ZMYND11: variants seen among roughly 807,000 people sequenced by gnomAD.
The protein encoded by ZMYND11 is zinc finger MYND-type containing 11, also known as zinc finger MYND domain-containing protein 11.
ZMYND11 carries 9 observed loss-of-function variants against 84.9 expected under a neutral mutation model. The observed-to-expected ratio is 0.11, with a 90% CI of 0.06 to 0.18. The LOEUF (loss-of-function observed/expected upper bound fraction) is 0.18. Among genes scored for constraint, ZMYND11 ranks in the 10% least tolerant of loss-of-function variants. ZMYND11 has a pLI of 1.00. For missense variants in ZMYND11, 409 were observed against 761.0 expected (o/e 0.54, Z 5.44); for synonymous variants, 250 against 244.1 (o/e 1.02, Z -0.23).
chr10:203,092 A>T (rs1943522247), intron 2 of ZMYND11, among the ~76,000 whole-genome samples: 1 of 152,238 alleles, frequency 6.6e-6, no homozygotes, highest in African/African-American at 2.4e-5. Flanking sequence ...AGATATGTTT[A>T]CCAATAAGCA....
At chr10:131,685 T>C (rs1450057348), upstream of ZMYND11, among the ~76,000 whole-genome samples, 1 of 151,970 alleles carries the variant, frequency 6.6e-6, no homozygotes, top group African/African-American at 2.4e-5. Context: ...CCACCACATC[T>C]GGCTATTTTT....
At chr10:242,906 G>C (rs1205811485) in intron 10 of ZMYND11, among the ~76,000 whole-genome samples, 1 of 152,058 alleles carries the variant, frequency 6.6e-6, no homozygotes, top group Non-Finnish European at 1.5e-5. Context: ...TTCATAGGTA[G>C]ATACACACTT....
chr10:190,625 C>A (rs886793490), intron 2 of ZMYND11, among the ~76,000 whole-genome samples: 2 of 152,218 alleles, frequency 1.3e-5, no homozygotes, highest in Non-Finnish European at 2.9e-5. Context: ...AGTCCAAATA[C>A]CTGAGCAAGG....
chr10:141,875 C>G (rs1175901319), intron 1 of ZMYND11, among the ~76,000 whole-genome samples: 8 of 152,108 alleles, frequency 5.3e-5, no homozygotes, highest in Non-Finnish European at 4.4e-5. Flanking sequence ...TTAAAAAATT[C>G]AAAGGATTTC....
chr10:169,928 A>G (rs370288144), intron 1 of ZMYND11, among the ~76,000 whole-genome samples: 4 of 122,856 alleles, frequency 3.3e-5, no homozygotes, highest in African/African-American at 1.2e-4. Context: ...ACACCAACCA[A>G]AGATCAAGGA....
intron 4 of ZMYND11, among the ~76,000 whole-genome samples, chr10:235,002 G>GTT (rs1949705372): frequency 6.6e-6 from 1 of 151,964 alleles, no homozygotes; most frequent in Non-Finnish European, 1.5e-5. Context: ...GTGTGTGTGT[G>GTT]TGTGTGTGAA....
chr10:177,286 C>G (rs1554767160), intron 1 of ZMYND11, among the ~76,000 whole-genome samples: 1 of 152,104 alleles, frequency 6.6e-6, no homozygotes, highest in African/African-American at 2.4e-5. Flanking sequence ...CCTCAAACTT[C>G]ATTGTATTTC....
intron 2 of ZMYND11, among the ~76,000 whole-genome samples, chr10:193,915 A>C (rs1297762591): frequency 6.6e-6 from 1 of 152,146 alleles, no homozygotes; most frequent in Non-Finnish European, 1.5e-5. Context: ...TTCATTGCTG[A>C]GTAGTATTTC....
intron 1 of ZMYND11, among the ~76,000 whole-genome samples, chr10:159,856 T>G (rs190250955): frequency 2.6e-5 from 4 of 152,294 alleles, no homozygotes; most frequent in African/African-American, 7.2e-5. Context: ...ATTTTCTGAT[T>G]TTTGATTGTA....
intron 1 of ZMYND11, among the ~76,000 whole-genome samples, chr10:151,372 G>A (rs1334685877): frequency 1.3e-5 from 2 of 152,206 alleles, no homozygotes; most frequent in Admixed American, 1.3e-4. Context: ...GTCTTTAAAT[G>A]ACCTGATGGA....
intron 4 of ZMYND11, among the ~76,000 whole-genome samples, chr10:222,499 G>A (rs1403076069): frequency 6.6e-6 from 1 of 152,132 alleles, no homozygotes; most frequent in African/African-American, 2.4e-5. Flanking sequence ...TTTTCAATAT[G>A]TAGACCTCCT....
intron 12 of ZMYND11, 116 bp from the exon 13 acceptor site, chr10:248,220 C>T (rs1430067724): frequency 1.5e-6 from 2 of 1,312,428 alleles, no homozygotes; most frequent in Non-Finnish European, 2.1e-6. Flanking sequence ...TTTTCAACAG[C>T]AGTTTATTCT....
In ZMYND11 at chr10:242,011, T is replaced by C. The variant is rs1373334665; in HGVS notation, c.832-10T>C. 2 of 1,613,758 alleles carry C rather than the reference T, an allele frequency of 1.2e-6. No homozygotes were observed. The highest frequency in any genetic ancestry group is 1.7e-6 in the Non-Finnish European group (2 of 1,179,864). ...AAGTAATATAACAAGGTAAAACATTTAATTTCCAGATACCTAATCATGAGC... is the reference window on the plus strand; with the variant it reads ...AAGTAATATAACAAGGTAAAACATTCAATTTCCAGATACCTAATCATGAGC... On this transcript the variant is annotated splice_polypyrimidine_tract_variant and intron_variant, in intron 9 of 14. Transcript: ENST00000381604.
intron 10 of ZMYND11, among the ~76,000 whole-genome samples, chr10:245,627 C>G (rs998225131): frequency 1.3e-5 from 2 of 152,138 alleles, no homozygotes; most frequent in Admixed American, 1.3e-4. Context: ...TGTGATGTTC[C>G]CTCTGCCTGG....
chr10:242,275 A>C (rs929167607), intron 10 of ZMYND11, 136 bp downstream of exon 10: 1 of 1,326,204 alleles, frequency 7.5e-7, no homozygotes, highest in African/African-American at 1.5e-5. Context: ...ATCCAAGAAT[A>C]CGTTCCAAGA....
At chr10:238,260 C>T (rs764844260) in intron 6 of ZMYND11, among the ~76,000 whole-genome samples, 1 of 152,188 alleles carries the variant, frequency 6.6e-6, no homozygotes, top group African/African-American at 2.4e-5. Context: ...ACTGATTTTG[C>T]ACCTCATGTG....
intron 1 of ZMYND11, among the ~76,000 whole-genome samples, chr10:142,028 T>C (rs1161906571): frequency 3.3e-5 from 5 of 152,250 alleles, no homozygotes; most frequent in African/African-American, 4.8e-5. Context: ...TAGGTCGCTT[T>C]ATGAGTCTAC....
intron 1 of ZMYND11, among the ~76,000 whole-genome samples, chr10:157,475 C>G (rs1403459923): frequency 6.6e-6 from 1 of 152,168 alleles, no homozygotes; most frequent in Admixed American, 6.5e-5. Flanking sequence ...GCTGGGATGA[C>G]AGGCATGAGC....
chr10:200,083 A>G (rs1265481798), intron 2 of ZMYND11, among the ~76,000 whole-genome samples: 1 of 151,534 alleles, frequency 6.6e-6, no homozygotes, highest in Non-Finnish European at 1.5e-5. Flanking sequence ...CCTGGCCCGT[A>G]GGAATGATGA....
Sources: allele counts gnomAD v4.1 joint callset (sites outside exome capture counted in the v4.1 genomes callset), GRCh38; gene constraint gnomAD v4.1.1; transcripts MANE v1.5; gene names NCBI Gene and HGNC (gene_info 2026-07-23, HGNC 2026-07-21).